DCAF8L2: variants seen among roughly 807,000 people sequenced by gnomAD.
DCAF8L2 encodes DDB1- and CUL4-associated factor 8-like protein 2.
For synonymous variants in DCAF8L2, 200 were observed against 190.9 expected (o/e 1.05, Z -0.39); for missense variants, 430 against 490.7 (o/e 0.88, Z 1.17).
the DCAF8L2 span, among the ~76,000 whole-genome samples, chrX:27,471,661 T>C: frequency 9.0e-6 from 1 of 111,623 alleles, no homozygotes; most frequent in African/African-American, 3.3e-5. Context: ...TACTCTAACA[T>C]TACCCTATTT....
intron 2 of DCAF8L2, among the ~76,000 whole-genome samples, chrX:27,652,857 T>G (rs113310917): frequency 0.037 from 4,084 of 111,819 alleles, 55 homozygotes; most frequent in African/African-American, 0.064. Context: ...ACACAAACTA[T>G]CTATACTGAA....
chrX:27,523,155 G>C, the DCAF8L2 span, among the ~76,000 whole-genome samples: 1 of 111,513 alleles, frequency 9.0e-6, no homozygotes, highest in East Asian at 2.8e-4. Context: ...AATAAAGGAT[G>C]TTATGATACA....
chrX:27,575,501 T>G, the DCAF8L2 span, among the ~76,000 whole-genome samples: 1 of 111,187 alleles, frequency 9.0e-6, no homozygotes, highest in Non-Finnish European at 1.9e-5. Flanking sequence ...TCCACCCCCA[T>G]ATCACTTAAA....
chrX:27,640,178 A>T (rs1928661002), intron 2 of DCAF8L2, among the ~76,000 whole-genome samples: 1 of 111,844 alleles, frequency 8.9e-6, no homozygotes, highest in African/African-American at 3.2e-5. Context: ...ACAAAAAACC[A>T]AACACTGCAT....
intron 1 of DCAF8L2, among the ~76,000 whole-genome samples, chrX:27,597,730 A>T (rs888816845): frequency 8.9e-6 from 1 of 112,277 alleles, no homozygotes; most frequent in Non-Finnish European, 1.9e-5. Context: ...CAATTCTGCA[A>T]TATATCACTG....
intron 4 of DCAF8L2, among the ~76,000 whole-genome samples, chrX:27,719,181 A>G (rs1931803327): frequency 9.0e-6 from 1 of 111,391 alleles, no homozygotes; most frequent in Admixed American, 9.6e-5. Context: ...CCAGCAATGT[A>G]TGAGAAATGC....
intron 2 of DCAF8L2, among the ~76,000 whole-genome samples, chrX:27,674,337 T>C (rs1930067921): frequency 9.0e-6 from 1 of 111,507 alleles, no homozygotes. Context: ...CCTTCCTATT[T>C]CTAGTAAAAA....
At chrX:27,644,978 G>A (rs982166669) in intron 2 of DCAF8L2, among the ~76,000 whole-genome samples, 1 of 111,958 alleles carries the variant, frequency 8.9e-6, no homozygotes, top group Non-Finnish European at 1.9e-5. Context: ...GGATGGCCAT[G>A]ATCTCCTGAC....
In DCAF8L2 at chrX:27,634,957, T is replaced by TACAC. The variant is rs571012816; in HGVS notation, c.-220+2981_-220+2984dup. Reference sequence around the variant, plus strand: ...ATAAGGGATACACAAACCATGTATATACACACACACACACACACACACACA... The same window carrying TACAC: ...ATAAGGGATACACAAACCATGTATATACACACACACACACACACACACACACACA... On this transcript the variant is annotated intron_variant, in intron 2 of 4. Coordinates refer to ENST00000451261, the MANE Select transcript of DCAF8L2 (RefSeq NM_001353450.2). Among the ~76,000 whole-genome samples, 316 of 99,536 alleles carry TACAC rather than the reference T, an allele frequency of 3.2e-3. 5 individuals are homozygous for TACAC. The highest frequency in any genetic ancestry group is 4.5e-3 in the East Asian group (14 of 3,084). 86.4% of individuals were successfully genotyped at this position (99,536 alleles called of 115,157 possible). A position where few individuals can be genotyped will look rare whatever the true frequency, so the allele number is the denominator to read the frequency against.
chrX:27,671,124 T>C (rs1929939325), intron 2 of DCAF8L2, among the ~76,000 whole-genome samples: 1 of 111,705 alleles, frequency 9.0e-6, no homozygotes, highest in Non-Finnish European at 1.9e-5. Context: ...CAGAGGATTC[T>C]GTTATGTTAA....
chrX:27,672,540 T>G (rs1267513902), intron 2 of DCAF8L2, among the ~76,000 whole-genome samples: 2 of 111,945 alleles, frequency 1.8e-5, no homozygotes, highest in Non-Finnish European at 3.8e-5. Flanking sequence ...CACTGCCTCT[T>G]TGTAGCTTCA....
intron 4 of DCAF8L2, among the ~76,000 whole-genome samples, chrX:27,743,855 C>A (rs899660869): frequency 9.2e-6 from 1 of 108,832 alleles, no homozygotes; most frequent in African/African-American, 3.4e-5. Context: ...ACCTCAGCCT[C>A]CCAAGTAGCT....
chrX:27,629,100 C>T (rs930916834), intron 1 of DCAF8L2, among the ~76,000 whole-genome samples: 2 of 111,453 alleles, frequency 1.8e-5, no homozygotes, highest in Non-Finnish European at 3.8e-5. Flanking sequence ...GTATGAGTTT[C>T]TTATATATTT....
the DCAF8L2 span, among the ~76,000 whole-genome samples, chrX:27,506,946 G>C: frequency 1.8e-5 from 2 of 108,496 alleles, no homozygotes; most frequent in African/African-American, 3.4e-5. Context: ...TCTTTTGGGG[G>C]GACACAATTC....
the DCAF8L2 span, among the ~76,000 whole-genome samples, chrX:27,566,848 G>A: frequency 9.1e-6 from 1 of 110,010 alleles, no homozygotes; most frequent in South Asian, 3.8e-4. Flanking sequence ...CTTTTTTAAG[G>A]TAGGCGTTTA....
chrX:27,596,357 C>T (rs1463545382), intron 1 of DCAF8L2, among the ~76,000 whole-genome samples: 1 of 111,017 alleles, frequency 9.0e-6, no homozygotes, highest in Non-Finnish European at 1.9e-5. Flanking sequence ...AAATGAAAGA[C>T]TACATTAATT....
At chrX:27,720,982 G>T (rs1352203310) in intron 4 of DCAF8L2, among the ~76,000 whole-genome samples, 2 of 111,048 alleles carry the variant, frequency 1.8e-5, no homozygotes, top group African/African-American at 3.3e-5. Context: ...CGATTAATTT[G>T]TTTATATTGT....
the DCAF8L2 span, among the ~76,000 whole-genome samples, chrX:27,575,877 A>G: frequency 8.9e-6 from 1 of 112,225 alleles, no homozygotes; most frequent in Non-Finnish European, 1.9e-5. Context: ...CATCACCAAC[A>G]GCTAGTAATG....
At chrX:27,510,978 T>C in the DCAF8L2 span, among the ~76,000 whole-genome samples, 3 of 111,119 alleles carry the variant, frequency 2.7e-5, no homozygotes, top group Non-Finnish European at 5.7e-5. Context: ...TTTTCCTTAG[T>C]ATCATCACAA....
Sources: gnomAD v4.1 joint callset for allele counts (sites outside exome capture counted in the v4.1 genomes callset) on GRCh38, gnomAD v4.1.1 for gene constraint, MANE v1.5 for transcripts, NCBI Gene and HGNC (gene_info 2026-07-23, HGNC 2026-07-21) for gene names.